The following ROR1 variants were observed in gnomAD, a reference collection of about 807,000 sequenced individuals.
ROR1 encodes ROR family WNT receptor 1.
A neutral mutation model predicts 78.8 loss-of-function variants in ROR1; 19 were observed. The ratio of observed to expected loss-of-function variants is 0.24; its 90% CI spans 0.17 to 0.35. ROR1 has a LOEUF of 0.35. ROR1 is among the 10% of genes least tolerant of loss of function. The probability of loss-of-function intolerance (pLI) is 1.00; values close to 1 mark genes in which losing one functional copy is unlikely to be tolerated. For synonymous variants in ROR1, 386 were observed against 433.6 expected, an observed-to-expected ratio of 0.89 and a Z score of 1.36; for missense variants, 917 against 1,177.8, an observed-to-expected ratio of 0.78 and a Z score of 3.24.
At chr1:63,839,708 T>C (rs1273549895) in intron 1 of ROR1, among the ~76,000 whole-genome samples, 2 of 152,170 alleles carry the variant, frequency 1.3e-5, no homozygotes, top group African/African-American at 2.4e-5. Context: ...TATCCATAAA[T>C]GTAATCATCT....
At chr1:64,142,281 A>C (rs1479051330) in intron 6 of ROR1, 124 bp from the exon 7 acceptor site, 14 of 1,451,334 alleles carry the variant, frequency 9.6e-6, no homozygotes, top group Non-Finnish European at 1.3e-5. Context: ...GCCCCTGACC[A>C]GCAGGGAAGC....
At chr1:64,076,671 G>A (rs1034806752) in intron 4 of ROR1, among the ~76,000 whole-genome samples, 7 of 152,194 alleles carry the variant, frequency 4.6e-5, no homozygotes, top group African/African-American at 1.7e-4. Flanking sequence ...ATGTCTTACT[G>A]TTTTTAAACA....
intron 2 of ROR1, among the ~76,000 whole-genome samples, chr1:64,044,715 T>C (rs1029288537): frequency 1.3e-5 from 2 of 152,182 alleles, no homozygotes; most frequent in Non-Finnish European, 2.9e-5. Flanking sequence ...AAAATTATGG[T>C]TAGTTATTCT....
At chr1:63,847,383 T>C (rs552294697) in intron 1 of ROR1, among the ~76,000 whole-genome samples, 1 of 152,274 alleles carries the variant, frequency 6.6e-6, no homozygotes, top group African/African-American at 2.4e-5. Context: ...GGTACCAGCC[T>C]ATGGATTGGG....
intron 1 of ROR1, among the ~76,000 whole-genome samples, chr1:63,957,096 G>A (rs1645988716): frequency 6.6e-6 from 1 of 152,124 alleles, no homozygotes; most frequent in Non-Finnish European, 1.5e-5. Flanking sequence ...GTCTATGGCT[G>A]GTGAACTTGT....
intron 1 of ROR1, among the ~76,000 whole-genome samples, chr1:63,839,174 T>A (rs1432259947): frequency 6.6e-6 from 1 of 152,208 alleles, no homozygotes; most frequent in Non-Finnish European, 1.5e-5. Flanking sequence ...GCTTCAAAAG[T>A]CAGATCTGTC....
intron 1 of ROR1, among the ~76,000 whole-genome samples, chr1:63,938,793 C>G (rs144987273): frequency 6.6e-6 from 1 of 152,022 alleles, no homozygotes; most frequent in Non-Finnish European, 1.5e-5. Context: ...CCTGGGAGGT[C>G]AACACCACCC....
chr1:63,789,695 T>TAAAAAGACAG (rs1644713785), intron 1 of ROR1, among the ~76,000 whole-genome samples: 1 of 148,658 alleles, frequency 6.7e-6, no homozygotes, highest in Non-Finnish European at 1.5e-5. Flanking sequence ...TTTTTTTTTT[T>TAAAAAGACAG]TGTCTTTAAA....
chr1:63,995,770 A>G (rs1229309549), intron 1 of ROR1, among the ~76,000 whole-genome samples: 1 of 152,232 alleles, frequency 6.6e-6, no homozygotes, highest in African/African-American at 2.4e-5. Context: ...GCATTTATTT[A>G]GCTGAAGAAT....
chr1:64,136,356 T>A (rs1410218836), intron 4 of ROR1, among the ~76,000 whole-genome samples: 1 of 63,362 alleles, frequency 1.6e-5, no homozygotes, highest in African/African-American at 1.7e-4. Flanking sequence ...AAACGGTGTA[T>A]TTTTTTTTTT....
At chr1:63,840,054 A>C (rs1261968655) in intron 1 of ROR1, among the ~76,000 whole-genome samples, 4 of 152,110 alleles carry the variant, frequency 2.6e-5, no homozygotes, top group Non-Finnish European at 5.9e-5. Context: ...AGGAAATGAG[A>C]GTTGGTAAAT....
Position 64,084,796 on chromosome 1 carries a change from T to C in ROR1, c.482+34080T>C, listed in dbSNP as rs140344611. 1.3e-3 allele frequency among the ~76,000 whole-genome samples: 202 copies of C among 152,294 alleles called. 1 individual carries two copies. The highest frequency in any genetic ancestry group is 4.7e-3 in the African/African-American group (195 of 41,564). On this transcript the variant is annotated intron_variant, in intron 4 of 8. Coordinates refer to ENST00000371079, the MANE Select transcript of ROR1 (RefSeq NM_005012.4). Reference sequence around the variant, plus strand: ...TATTCTGCTGACTTTGAAGTATAATTTGGGGATGCCTTGAGAAGGTCAACG... The same window carrying C: ...TATTCTGCTGACTTTGAAGTATAATCTGGGGATGCCTTGAGAAGGTCAACG...
chr1:64,002,318 GA>G (rs988533491), intron 1 of ROR1, among the ~76,000 whole-genome samples: 1 of 151,918 alleles, frequency 6.6e-6, no homozygotes, highest in African/African-American at 2.4e-5. Context: ...ATTTTCAGTA[GA>G]GACGGGGTTT....
At chr1:63,972,309 A>G (rs914269668) in intron 1 of ROR1, among the ~76,000 whole-genome samples, 1 of 152,108 alleles carries the variant, frequency 6.6e-6, no homozygotes, top group African/African-American at 2.4e-5. Flanking sequence ...CAGGGCTCAG[A>G]GAGGTTACGT....
At chr1:64,111,010 G>C (rs1274611153) in intron 4 of ROR1, 1 of 151,834 alleles carries the variant, frequency 6.6e-6, no homozygotes, top group Admixed American at 6.6e-5. Context: ...AAAAAAGAAA[G>C]TACAATGATT....
At chr1:64,106,943 C>T (rs1338503694) in intron 4 of ROR1, 1 of 152,416 alleles carries the variant, frequency 6.6e-6, no homozygotes, top group Non-Finnish European at 1.5e-5. Context: ...GTCTAGAAGA[C>T]CTTGCCAGTT....
At chr1:64,071,628 G>T (rs1034412122) in intron 4 of ROR1, among the ~76,000 whole-genome samples, 1 of 149,266 alleles carries the variant, frequency 6.7e-6, no homozygotes, top group East Asian at 2.0e-4. Context: ...AACCTTGGTG[G>T]CTTTTGAAGA....
At chr1:64,141,907 G>A (rs1354939303) in intron 6 of ROR1, among the ~76,000 whole-genome samples, 1 of 151,894 alleles carries the variant, frequency 6.6e-6, no homozygotes, top group African/African-American at 2.4e-5. Flanking sequence ...CAAGGGTGCC[G>A]ACCCCATCAG....
chr1:63,991,257 C>G (rs1172091551), intron 1 of ROR1, among the ~76,000 whole-genome samples: 1 of 152,000 alleles, frequency 6.6e-6, no homozygotes, highest in East Asian at 1.9e-4. Context: ...GCCTAAAAGC[C>G]CTATCTTTAG....
Sources: allele counts gnomAD v4.1 joint callset (sites outside exome capture counted in the v4.1 genomes callset), GRCh38; gene constraint gnomAD v4.1.1; transcripts MANE v1.5; gene names NCBI Gene and HGNC (gene_info 2026-07-23, HGNC 2026-07-21).